Variants in PKMYT1 observed in about 807,000 individuals in gnomAD.
PKMYT1 encodes protein kinase, membrane associated tyrosine/threonine 1, also known as membrane-associated tyrosine- and threonine-specific cdc2-inhibitory kinase.
In PKMYT1, 35 loss-of-function variants were observed where a neutral mutation model predicts 49.7. That is an observed-to-expected ratio of 0.70 (90% CI 0.54 to 0.93). The LOEUF is 0.93. Among genes scored for constraint, PKMYT1 ranks in the 40% least tolerant of loss-of-function variants. The pLI is 0.00. For synonymous variants in PKMYT1, 331 were observed against 287.6 expected (o/e 1.15, Z -1.53); for missense variants, 677 against 673.1 (o/e 1.01, Z -0.06).
At position 2,975,603 on chromosome 16, in the gene PKMYT1, TTGC is replaced by T. The variant is rs763942626; in HGVS notation, c.585_587del (p.Gln196del). 1.2e-6 allele frequency: 2 copies of T among 1,611,488 alleles called. No individual in the cohort carries two copies. The highest frequency in any genetic ancestry group is 2.7e-5 in the African/African-American group (2 of 74,926). On this transcript the variant is annotated inframe_deletion, in exon 4 of 9. Transcript: ENST00000262300. Reference sequence around the variant, plus strand: ...GGCTGGCACCCCAGGCCTCACAGTGTTGCTGCAGGCTGGGCCCGCACAGCTCCG... The same window carrying T: ...GGCTGGCACCCCAGGCCTCACAGTGTTGCAGGCTGGGCCCGCACAGCTCCG...
Position 2,973,076 on chromosome 16 carries a change from G to T in PKMYT1, c.1389-12C>A. The T allele has an allele frequency of 6.3e-7, 1 of 1,588,316 alleles. No homozygotes were observed. The highest frequency in any genetic ancestry group is 1.8e-5 in the Admixed American group (1 of 55,298). On this transcript the variant is annotated splice_polypyrimidine_tract_variant and intron_variant, in intron 8 of 8. Coordinates refer to ENST00000262300, the MANE Select transcript of PKMYT1 (RefSeq NM_004203.5). ...GGTCCAGGGCATCCCTGGGAGGAGAGAGTAGTGACACTCAGGATCCAAAAG... is the reference window on the plus strand; with the variant it reads ...GGTCCAGGGCATCCCTGGGAGGAGATAGTAGTGACACTCAGGATCCAAAAG...
At chr16:2,973,278 C>G in intron 7 of PKMYT1, 63 bp from the exon 8 acceptor site, 2 of 1,495,266 alleles carry the variant, frequency 1.3e-6, no homozygotes, top group Non-Finnish European at 8.9e-7. Flanking sequence ...ATGAAACCAG[C>G]TCTGTCCCTG....
rs1383136903 is a variant in PKMYT1 at position 2,979,696 on chromosome 16, G to A, written c.-39C>T. The A allele has an allele frequency of 3.7e-6, 6 of 1,613,598 alleles. No individual in the cohort carries two copies. Among genetic ancestry groups the A allele is most frequent in the Admixed American group, 3.3e-5 (2 of 59,986 alleles). On this transcript the variant is annotated 5_prime_UTR_variant, in exon 2 of 9. Transcript: ENST00000262300. ...CAACAGCCTCAGTGGTGGGACGGGG[G>A]AGGCAGGAGCAGGGGCTCCCACGTG...
intron 3 of PKMYT1, among the ~76,000 whole-genome samples, chr16:2,976,253 G>A (rs1289442986): frequency 6.6e-6 from 1 of 152,226 alleles, no homozygotes; most frequent in East Asian, 1.9e-4. Context: ...TAAATGACTG[G>A]AAACTGTGTT....
rs1217904111 is a variant in PKMYT1 at position 2,977,026 on chromosome 16, G to T, written c.16C>A (p.Pro6Thr). 2.5e-6 allele frequency: 4 copies of T among 1,588,134 alleles called. No homozygotes were observed. In the Admixed American group the frequency reaches 5.2e-5, roughly 20 times the overall value. Residue 6 changes from proline (P) to threonine (T), a missense_variant, in exon 3 of 9, where the codon CCT becomes ACT. Pro to Thr is a conservative substitution (Grantham distance 38). Transcript: ENST00000262300. MLERP[P>T]ALAMPMPTEG... ...GTGGGCATGGGCATGGCCAGTGCAG[G>T]AGGCCCTGGGGGCAGAGACAGAGGC... is the stretch of plus-strand genomic sequence containing the variant.
At position 2,972,936 on chromosome 16, in the gene PKMYT1, G is replaced by T; in HGVS notation, c.*17C>A. On this transcript the variant is annotated 3_prime_UTR_variant, in exon 9 of 9. Transcript: ENST00000262300. Reference sequence around the variant, plus strand: ...CACAGGATAAAAGGTTAAAAGTGCAGAGGCAGAGTCTGGGGCTCAGGTTGG... The same window carrying T: ...CACAGGATAAAAGGTTAAAAGTGCATAGGCAGAGTCTGGGGCTCAGGTTGG... 1.3e-6 allele frequency: 2 copies of T among 1,590,096 alleles called. No homozygotes were observed. Among genetic ancestry groups the T allele is most frequent in the Non-Finnish European group, 1.7e-6 (2 of 1,168,100 alleles).
intron 2 of PKMYT1, among the ~76,000 whole-genome samples, chr16:2,979,010 T>G (rs1033818890): frequency 6.7e-6 from 1 of 150,010 alleles, no homozygotes; most frequent in African/African-American, 2.4e-5. Context: ...TTTCACCATG[T>G]TGGTGAGGCT....
At position 2,974,564 on chromosome 16, in the gene PKMYT1, G is replaced by C. The variant is rs201199309; in HGVS notation, c.965C>G (p.Pro322Arg). The C allele has an allele frequency of 4.6e-5, 72 of 1,576,310 alleles. No homozygotes were observed. Among genetic ancestry groups the C allele is most frequent in the Non-Finnish European group, 5.9e-5 (69 of 1,160,962 alleles). ...CACCTACTCACCGGCAGTGAACTCA[G>C]GGGGCAGGTAGCCCTGGCGCAGCTG... ...WQQLRQGYLP[P>R]EFTAGLSSEL... Residue 322 changes from proline to arginine, a missense_variant, in exon 5 of 9, where the codon CCT becomes CGT. Coordinates refer to ENST00000262300, the MANE Select transcript of PKMYT1 (RefSeq NM_004203.5).
rs1221560189 is a variant in PKMYT1, at chr16:2,979,523, G to T, written c.10+125C>A. 4 of 775,518 alleles carry T rather than the reference G, an allele frequency of 5.2e-6. No individual in the cohort carries two copies. The East Asian group carries it at 1.0e-4, about 20-fold the overall frequency. 48.0% of individuals were successfully genotyped at this position (775,518 alleles called of 1,614,324 possible). On this transcript the variant is annotated intron_variant, in intron 2 of 8. Transcript: ENST00000262300. ...CAGGGTTTCTCCAAGTCAGGAGCCA[G>T]GGTGTTGGGATCCTGGAGGTCACTG...
rs1296769548 is a variant in PKMYT1, at chr16:2,976,979, CAG to C, written c.61_62del (p.Leu21GlufsTer77). 18 of 1,563,610 alleles carry C rather than the reference CAG, an allele frequency of 1.2e-5. No homozygotes were observed. The highest frequency in any genetic ancestry group is 1.6e-5 in the Non-Finnish European group (18 of 1,154,496). ...CTGGGACTGGGATGGGGGTGCCACTCAGAGGTGGCGGGGTGCCCTCCGTGGGC... is the reference window on the plus strand; with the variant it reads ...CTGGGACTGGGATGGGGGTGCCACTCAGGTGGCGGGGTGCCCTCCGTGGGC... ...PMPTEGTPPP[L>X]SGTPIPVPAY... On this transcript the variant is annotated frameshift_variant, in exon 3 of 9. Coordinates refer to ENST00000262300, the MANE Select transcript of PKMYT1 (RefSeq NM_004203.5). LOFTEE classifies it high-confidence loss of function.
intron 2 of PKMYT1, chr16:2,977,558 A>C: frequency 1.1e-5 from 10 of 874,976 alleles, no homozygotes; most frequent in Non-Finnish European, 1.4e-5. Flanking sequence ...TGCCCCAGTG[A>C]AACAGCACAA....
chr16:2,974,363 T>C lies in PKMYT1; in HGVS notation c.1034A>G (p.Lys345Arg), dbSNP rs749245480. The C allele has an allele frequency of 1.9e-6, 3 of 1,611,004 alleles. No homozygotes were observed. The highest frequency in any genetic ancestry group is 1.7e-6 in the Non-Finnish European group (2 of 1,179,242). ...VLVMMLEPDP[K>R]LRATAEALLA... Reference sequence around the variant, plus strand: ...CAGGGCCTCGGCCGTGGCCCGCAGCTTGGGGTCTGGCTCCAGCATCATGAC... The same window carrying C: ...CAGGGCCTCGGCCGTGGCCCGCAGCCTGGGGTCTGGCTCCAGCATCATGAC... Residue 345 changes from lysine to arginine, a missense_variant, in exon 6 of 9, where the codon AAG becomes AGG. By Grantham distance (26) the Lys-to-Arg change is conservative. Transcript: ENST00000262300.
chr16:2,977,197 G>A (rs1463725073), intron 2 of PKMYT1, 166 bp from the exon 3 acceptor site: 11 of 1,451,276 alleles, frequency 7.6e-6, no homozygotes, highest in African/African-American at 5.6e-5. Context: ...AAAGGCAGAG[G>A]ACAGATTCAT....
rs767084677 is a variant in PKMYT1 at position 2,974,338 on chromosome 16, C to A, written c.1059G>T (p.Leu353=). 1.9e-6 allele frequency: 3 copies of A among 1,608,538 alleles called. No homozygotes were observed. Among genetic ancestry groups the A allele is most frequent in the Non-Finnish European group, 2.5e-6 (3 of 1,178,208 alleles). ...DPKLRATAEA[L]LALPVLRQPR... is the part of the protein sequence containing the mutation. ...GCTGCCTCAACACAGGCAGTGCCAGCAGGGCCTCGGCCGTGGCCCGCAGCT... is the reference window on the plus strand; with the variant it reads ...GCTGCCTCAACACAGGCAGTGCCAGAAGGGCCTCGGCCGTGGCCCGCAGCT... The change falls in exon 6 of 9, where the codon CTG becomes CTT. Residue 353 remains leucine, a synonymous_variant. Coordinates refer to ENST00000262300, the MANE Select transcript of PKMYT1 (RefSeq NM_004203.5).
At chr16:2,974,937 G>C in intron 4 of PKMYT1, 1 of 566,754 alleles carries the variant, frequency 1.8e-6, no homozygotes, top group Non-Finnish European at 3.1e-6. Context: ...ACTGCTGGCA[G>C]GTATTACTAT....
intron 4 of PKMYT1, 97 bp downstream of exon 4, chr16:2,975,222 T>A: frequency 7.2e-7 from 1 of 1,381,994 alleles, no homozygotes; most frequent in Non-Finnish European, 9.6e-7. Flanking sequence ...CCGGGTGTCC[T>A]GGGCTAGGGT....
At chr16:2,973,281 T>C (rs1271392479) in intron 7 of PKMYT1, 66 bp from the exon 8 acceptor site, 3 of 1,497,628 alleles carry the variant, frequency 2.0e-6, no homozygotes, top group East Asian at 2.5e-5. Context: ...AAACCAGCTC[T>C]GTCCCTGTGC....
chr16:2,976,979 C>A lies in PKMYT1; in HGVS notation c.63G>T (p.Leu21=). 4 of 1,563,608 alleles carry A rather than the reference C, an allele frequency of 2.6e-6. No homozygotes were observed. Among genetic ancestry groups the A allele is most frequent in the Non-Finnish European group, 2.6e-6 (3 of 1,154,494 alleles). The change falls in exon 3 of 9, where the codon CTG becomes CTT. Residue 21 remains leucine, a synonymous_variant. Coordinates refer to ENST00000262300, the MANE Select transcript of PKMYT1 (RefSeq NM_004203.5). ...PMPTEGTPPP[L]SGTPIPVPAY... ...CTGGGACTGGGATGGGGGTGCCACT[C>A]AGAGGTGGCGGGGTGCCCTCCGTGG...
chr16:2,973,723 G>C (rs2072084704), intron 7 of PKMYT1: 1 of 543,490 alleles, frequency 1.8e-6, no homozygotes, highest in African/African-American at 1.9e-5. Context: ...TTTATCCCTG[G>C]GCACTGGCAG....
Sources: gnomAD v4.1 joint callset for allele counts (sites outside exome capture counted in the v4.1 genomes callset) on GRCh38, gnomAD v4.1.1 for gene constraint, MANE v1.5 for transcripts, NCBI Gene and HGNC (gene_info 2026-07-23, HGNC 2026-07-21) for gene names.